Variants in ANK2 observed in about 807,000 individuals in gnomAD.
The protein encoded by ANK2 is ankyrin-2.
ANK2 carries 83 observed loss-of-function variants against 360.5 expected under a neutral mutation model. The ratio of observed to expected loss-of-function variants is 0.23; its 90% confidence interval spans 0.19 to 0.28. The LOEUF (loss-of-function observed/expected upper bound fraction) is 0.28. Ranked by LOEUF, ANK2 falls within the 10% of genes least tolerant of loss-of-function variation. The pLI, the probability that ANK2 is intolerant of heterozygous loss-of-function variation, is 1.00. For synonymous variants in ANK2, 1,740 were observed against 1,759.5 expected, an observed-to-expected ratio of 0.99 and a Z score of 0.28; for missense variants, 4,201 against 4,795.7, an observed-to-expected ratio of 0.88 and a Z score of 3.66.
chr4:113,179,476 A>T (rs1282112219), intron 2 of ANK2, among the ~76,000 whole-genome samples: 2 of 152,206 alleles, frequency 1.3e-5, no homozygotes, highest in Non-Finnish European at 2.9e-5. Flanking sequence ...TTTGCTTTTA[A>T]TTATTTAAAT....
the ANK2 span, among the ~76,000 whole-genome samples, chr4:112,719,057 C>T: frequency 2.0e-5 from 3 of 152,214 alleles, no homozygotes; most frequent in South Asian, 6.2e-4. Flanking sequence ...AATAAAGATG[C>T]TTATACTAAC....
intron 42 of ANK2, 60 bp downstream of exon 42, chr4:113,367,911 C>A: frequency 6.3e-7 from 1 of 1,583,826 alleles, no homozygotes; most frequent in Non-Finnish European, 8.7e-7. Context: ...ATTGTGGATG[C>A]CAGGCATATA....
Position 113,343,085 on chromosome 4 carries a change from G to A in ANK2, c.4191G>A (p.Gln1397=), listed in dbSNP as rs1459354786. The change falls in exon 34 of 46, where the codon CAG becomes CAA. Residue 1397 remains glutamine (Q), a synonymous_variant. Coordinates refer to ENST00000357077, the MANE Select transcript of ANK2 (RefSeq NM_001148.6). The part of the protein sequence containing the change: ...GNLVPLTKSG[Q]HHIFSFFAFK... ...TGGTACCATTAACTAAAAGTGGCCA[G>A]CATCATATATTCAGTTTTTTTGCCT... The A allele has an allele frequency of 1.1e-5, 18 of 1,613,620 alleles. No homozygotes were observed. The highest frequency in any genetic ancestry group is 1.5e-5 in the Non-Finnish European group (18 of 1,179,700).
At chr4:112,796,307 C>T in the ANK2 span, among the ~76,000 whole-genome samples, 8 of 151,892 alleles carry the variant, frequency 5.3e-5, no homozygotes, top group Non-Finnish European at 8.8e-5. Context: ...CCTGTAATCC[C>T]AGCTACTCGG....
chr4:113,324,593 G>A (rs1364384895), intron 26 of ANK2, among the ~76,000 whole-genome samples: 1 of 151,988 alleles, frequency 6.6e-6, no homozygotes, highest in Non-Finnish European at 1.5e-5. Flanking sequence ...TAATTGTTTG[G>A]TGATTTTAAA....
At chr4:112,889,862 T>A (rs903595714) in intron 1 of ANK2, among the ~76,000 whole-genome samples, 44 of 152,238 alleles carry the variant, frequency 2.9e-4, no homozygotes, top group African/African-American at 9.6e-4. Flanking sequence ...TAGCCAGTGC[T>A]GGATGAATCT....
Position 113,166,560 on chromosome 4 carries a change from T to A in ANK2, c.85-7856T>A, listed in dbSNP as rs532037460. 3.2e-3 allele frequency among the ~76,000 whole-genome samples: 489 copies of A among 152,146 alleles called. 2 individuals carry two copies. The Middle Eastern group carries it at 0.045, about 14-fold the overall frequency. On this transcript the variant is annotated intron_variant, in intron 1 of 45. Coordinates refer to ENST00000357077, the MANE Select transcript of ANK2 (RefSeq NM_001148.6). ...TATCAAAGATATTTCATCAGAAATA[T>A]CTTTTCTAGTTTGTGGTTTTTGTTC...
intron 2 of ANK2, among the ~76,000 whole-genome samples, chr4:113,039,326 G>A (rs1360456456): frequency 6.6e-6 from 1 of 151,912 alleles, no homozygotes; most frequent in Non-Finnish European, 1.5e-5. Context: ...GTAACATTGT[G>A]AAAAACAGGC....
At chr4:112,890,556 G>GTTTTTT (rs754680934) in intron 1 of ANK2, among the ~76,000 whole-genome samples, 765 of 67,474 alleles carry the variant, frequency 0.011, 107 homozygotes, top group African/African-American at 0.018. Flanking sequence ...CATTTCTGTG[G>GTTTTTT]TTTTTTTTTT....
chr4:112,961,260 G>A (rs1037129956), intron 2 of ANK2, among the ~76,000 whole-genome samples: 3 of 151,940 alleles, frequency 2.0e-5, no homozygotes, highest in Non-Finnish European at 4.4e-5. Flanking sequence ...AAAAATATCA[G>A]TGTAACAATA....
chr4:112,810,143 ATATATATATATATATATTTTT>A, the ANK2 span, among the ~76,000 whole-genome samples: 290 of 23,018 alleles, frequency 0.013, 4 homozygotes, highest in African/African-American at 0.072. Context: ...ATATATATAT[ATATATATATATATATATTTTT>A]TTTTTTTTTT....
At chr4:113,244,051 A>G (rs140039932) in intron 9 of ANK2, among the ~76,000 whole-genome samples, 11 of 152,342 alleles carry the variant, frequency 7.2e-5, no homozygotes, top group Non-Finnish European at 1.3e-4. Flanking sequence ...TCTAACTCCA[A>G]ATAGACAGTG....
At chr4:113,156,665 A>G (rs568701129) in intron 1 of ANK2, among the ~76,000 whole-genome samples, 11 of 152,104 alleles carry the variant, frequency 7.2e-5, no homozygotes, top group African/African-American at 2.6e-4. Context: ...ACCCAGCCTT[A>G]ATGTAGAAAA....
chr4:112,863,386 A>ATC (rs1307525938), intron 1 of ANK2, among the ~76,000 whole-genome samples: 1 of 152,108 alleles, frequency 6.6e-6, no homozygotes, highest in Non-Finnish European at 1.5e-5. Flanking sequence ...TTTAGAAGTC[A>ATC]GTTTCTAATT....
chr4:113,304,765 A>G (rs2076455151), intron 23 of ANK2, among the ~76,000 whole-genome samples: 1 of 152,192 alleles, frequency 6.6e-6, no homozygotes, highest in African/African-American at 2.4e-5. Context: ...AATATAGCTA[A>G]GAATAGAAAT....
intron 20 of ANK2, among the ~76,000 whole-genome samples, chr4:113,289,318 A>T (rs796704273): frequency 6.6e-6 from 1 of 150,428 alleles, no homozygotes; most frequent in South Asian, 2.1e-4. Flanking sequence ...GGCTCAAGTC[A>T]TTCTCTTGCC....
At chr4:112,858,370 G>A (rs893339364) in intron 1 of ANK2, among the ~76,000 whole-genome samples, 5 of 152,028 alleles carry the variant, frequency 3.3e-5, no homozygotes, top group South Asian at 2.1e-4. Context: ...CTTTTTATAC[G>A]TTACCTTTAT....
the ANK2 span, among the ~76,000 whole-genome samples, chr4:112,769,686 A>G: frequency 6.6e-6 from 1 of 152,100 alleles, no homozygotes; most frequent in Non-Finnish European, 1.5e-5. Flanking sequence ...TGAGTTTGTG[A>G]GGGAGTTTCT....
chr4:113,025,580 C>G (rs960149699), intron 2 of ANK2, among the ~76,000 whole-genome samples: 1 of 152,204 alleles, frequency 6.6e-6, no homozygotes, highest in African/African-American at 2.4e-5. Flanking sequence ...TCTAAGGCTT[C>G]TCTTCAATCA....
Sources: gnomAD v4.1 joint callset for allele counts (sites outside exome capture counted in the v4.1 genomes callset) on GRCh38, gnomAD v4.1.1 for gene constraint, MANE v1.5 for transcripts, NCBI Gene and HGNC (gene_info 2026-07-23, HGNC 2026-07-21) for gene names.